Variants in FZD6 observed in about 807,000 individuals in gnomAD.
FZD6 encodes the protein frizzled class receptor 6.
A neutral mutation model predicts 61.4 loss-of-function variants in FZD6; 49 were observed. The observed-to-expected ratio is 0.80, with a 90% CI of 0.63 to 1.01. FZD6 has a LOEUF of 1.01. Among genes scored for constraint, FZD6 ranks in the 50% least tolerant of loss-of-function variants. The pLI is 0.00. For synonymous variants in FZD6, 265 were observed against 292.2 expected (o/e 0.91, Z 0.95); for missense variants, 724 against 848.2 (o/e 0.85, Z 1.82).
chr8:103,320,066 T>A (rs1814737402), intron 3 of FZD6, among the ~76,000 whole-genome samples: 1 of 151,318 alleles, frequency 6.6e-6, no homozygotes. Context: ...GAGGAACATC[T>A]GTTGTAACAG....
chr8:103,317,308 A>G (rs1814653103), intron 2 of FZD6, among the ~76,000 whole-genome samples: 1 of 152,250 alleles, frequency 6.6e-6, no homozygotes, highest in Non-Finnish European at 1.5e-5. Flanking sequence ...AGCGGGGAAC[A>G]CGGAAATTTA....
At chr8:103,298,811 G>GCCGCCGCCGCCGCCGCCGCCGC (rs1814052702), upstream of FZD6, 1 of 156,512 alleles carries the variant, frequency 6.4e-6, no homozygotes, top group Non-Finnish European at 1.3e-5. Flanking sequence ...CCGCCGCCGC[G>GCCGCCGCCGCCGCCGCCGCCGC]AGCCCGGACC....
At chr8:103,311,130 A>G (rs1240041554) in intron 2 of FZD6, among the ~76,000 whole-genome samples, 1 of 152,184 alleles carries the variant, frequency 6.6e-6, no homozygotes, top group Admixed American at 6.5e-5. Context: ...AGGTCATACC[A>G]TAGGATTAGT....
chr8:103,316,264 C>T (rs1351603024), intron 2 of FZD6, among the ~76,000 whole-genome samples: 2 of 152,150 alleles, frequency 1.3e-5, no homozygotes, highest in Non-Finnish European at 2.9e-5. Flanking sequence ...TTGTCATACA[C>T]CTAGCAGCAA....
rs58576557 is a variant in FZD6, at chr8:103,305,187, A to T, written c.177+4903A>T. Among the ~76,000 whole-genome samples, 1,372 of 152,360 alleles carry T rather than the reference A, an allele frequency of 9.0e-3. 28 individuals carry two copies. Among genetic ancestry groups the T allele is most frequent in the African/African-American group, 0.032 (1,318 of 41,578 alleles). ...GAAAGAGCTGAGACTGATCTAGGGAAAATGGAAACAGGAATGTTGTATTTT... is the reference window on the plus strand; with the variant it reads ...GAAAGAGCTGAGACTGATCTAGGGATAATGGAAACAGGAATGTTGTATTTT... On this transcript the variant is annotated intron_variant, in intron 2 of 6. Transcript: ENST00000358755.
chr8:103,303,517 GT>G (rs112654781), intron 2 of FZD6, among the ~76,000 whole-genome samples: 3 of 150,762 alleles, frequency 2.0e-5, no homozygotes, highest in South Asian at 2.1e-4. Flanking sequence ...TAGGGATGGT[GT>G]TTTTTTTTCA....
In FZD6 at chr8:103,332,654, G is replaced by T. The variant is rs1018598874; in HGVS notation, c.*1145G>T. 1 of 152,346 alleles carries T rather than the reference G, an allele frequency of 6.6e-6. No homozygotes were observed. The highest frequency in any genetic ancestry group is 6.6e-5 in the Admixed American group (1 of 15,250). 9.4% of individuals were successfully genotyped at this position (152,346 alleles called of 1,614,324 possible). A position where few individuals can be genotyped will look rare whatever the true frequency, so the allele number is the denominator to read the frequency against. ...GTTTCCTATTAAGTATTATTCTTTG[G>T]GCAAGATTTTCTGATGCTTTTGATT... On this transcript the variant is annotated 3_prime_UTR_variant, in exon 7 of 7. Coordinates refer to ENST00000358755, the MANE Select transcript of FZD6 (RefSeq NM_003506.4).
chr8:103,327,032 A>G (rs1175392757), intron 4 of FZD6, among the ~76,000 whole-genome samples: 3 of 152,238 alleles, frequency 2.0e-5, no homozygotes, highest in South Asian at 2.1e-4. Flanking sequence ...AGCAAAATAC[A>G]TATTTTCAGA....
At position 103,329,923 on chromosome 8, in the gene FZD6, G is replaced by A. The variant is rs79408516; in HGVS notation, c.1810G>A (p.Gly604Arg). The change falls in exon 6 of 7, where the codon GGA becomes AGA. Residue 604 changes from glycine to arginine, a missense_variant. Coordinates refer to ENST00000358755, the MANE Select transcript of FZD6 (RefSeq NM_003506.4). ...ETSMREVKAD[G>R]ASTPRLREQD... The stretch of plus-strand genomic sequence containing the variant: ...ATCAATGAGAGAGGTGAAAGCGGAC[G>A]GAGCTAGCACCCCCAGGTTAAGAGA... 1.3e-3 allele frequency: 2,077 copies of A among 1,614,094 alleles called. 19 individuals carry two copies. In the African/African-American group the frequency reaches 0.023, roughly 18 times the overall value.
intron 2 of FZD6, among the ~76,000 whole-genome samples, chr8:103,318,340 C>T (rs1814688039): frequency 6.6e-6 from 1 of 152,090 alleles, no homozygotes; most frequent in African/African-American, 2.4e-5. Flanking sequence ...TCAGATTTGA[C>T]AATGTGGAGT....
chr8:103,298,721 C>T (rs1397303508), upstream of FZD6: 1 of 150,646 alleles, frequency 6.6e-6, no homozygotes, highest in Admixed American at 6.6e-5. Context: ...TGGCGGGCCG[C>T]GGAGTGAGGC....
chr8:103,324,621 G>C lies in FZD6; in HGVS notation c.515G>C (p.Gly172Ala). 1.2e-6 allele frequency: 2 copies of C among 1,614,166 alleles called. No individual in the cohort carries two copies. ...CATCTTAAGACTTCTGGGGGACAAG[G>C]ATATAAGTTTCTGGGAATTGACCAG... Reference protein sequence around the residue: ...PRHLKTSGGQGYKFLGIDQCA... With the variant: ...PRHLKTSGGQAYKFLGIDQCA... Residue 172 changes from glycine to alanine, a missense_variant, in exon 4 of 7, where the codon GGA becomes GCA. By Grantham distance (60) the Gly-to-Ala change is moderately conservative. Coordinates refer to ENST00000358755, the MANE Select transcript of FZD6 (RefSeq NM_003506.4).
In FZD6 at chr8:103,308,621, C is replaced by T. The variant is rs372104271; in HGVS notation, c.177+8337C>T. The stretch of plus-strand genomic sequence containing the variant: ...GGTGAGAGGGAACTCTGCTTGAAGA[C>T]GTAGGTGTGTTTTAAGGAAAGAATT... On this transcript the variant is annotated intron_variant, in intron 2 of 6. Transcript: ENST00000358755. Among the ~76,000 whole-genome samples the T allele has an allele frequency of 8.5e-5, 13 of 152,214 alleles. No homozygotes were observed. In the East Asian group the frequency reaches 2.3e-3, roughly 27 times the overall value.
chr8:103,301,618 C>G (rs1426221574), intron 2 of FZD6, among the ~76,000 whole-genome samples: 1 of 152,070 alleles, frequency 6.6e-6, no homozygotes, highest in East Asian at 1.9e-4. Flanking sequence ...GTTGCCCAGG[C>G]TGGTCTCAAA....
chr8:103,328,744 T>A (rs953051223), intron 5 of FZD6, among the ~76,000 whole-genome samples: 1 of 151,614 alleles, frequency 6.6e-6, no homozygotes, highest in Non-Finnish European at 1.5e-5. Flanking sequence ...TGTCATTGGA[T>A]TCATTATTTT....
At chr8:103,317,580 G>C (rs1369181774) in intron 2 of FZD6, among the ~76,000 whole-genome samples, 3 of 152,114 alleles carry the variant, frequency 2.0e-5, no homozygotes, top group Admixed American at 1.3e-4. Context: ...TTGCTGATGG[G>C]TTGGAGATGG....
At chr8:103,306,698 G>A in intron 2 of FZD6, among the ~76,000 whole-genome samples, 1 of 151,522 alleles carries the variant, frequency 6.6e-6, no homozygotes, top group South Asian at 2.1e-4. Flanking sequence ...GTAGAGACGG[G>A]GTTTAACCAT....
intron 2 of FZD6, among the ~76,000 whole-genome samples, chr8:103,312,717 A>T (rs1242043686): frequency 6.6e-6 from 1 of 152,240 alleles, no homozygotes; most frequent in African/African-American, 2.4e-5. Flanking sequence ...ACTGATTGGT[A>T]TAATGAGTTC....
chr8:103,308,277 T>C (rs1008922070), intron 2 of FZD6, among the ~76,000 whole-genome samples: 3 of 151,924 alleles, frequency 2.0e-5, no homozygotes, highest in African/African-American at 7.3e-5. Flanking sequence ...GCAAAAAAAA[T>C]TTTTTTTGAG....
Sources: allele counts gnomAD v4.1 joint callset (sites outside exome capture counted in the v4.1 genomes callset), GRCh38; gene constraint gnomAD v4.1.1; transcripts MANE v1.5; gene names NCBI Gene and HGNC (gene_info 2026-07-23, HGNC 2026-07-21).